Variants in KCNMA1 observed in about 807,000 individuals in gnomAD.
KCNMA1 encodes Calcium-activated potassium channel subunit alpha-1.
A neutral mutation model predicts 140.0 loss-of-function variants in KCNMA1; 29 were observed. The ratio of observed to expected loss-of-function variants is 0.21; its 90% CI spans 0.15 to 0.28. KCNMA1 has a LOEUF of 0.28. Among genes scored for constraint, KCNMA1 ranks in the 10% least tolerant of loss-of-function variants. KCNMA1 has a pLI of 1.00. For synonymous variants in KCNMA1, 612 were observed against 611.9 expected (o/e 1.00, Z 0.00); for missense variants, 880 against 1,602.2 (o/e 0.55, Z 7.70).
chr10:77,185,170 C>A (rs1398748266), intron 3 of KCNMA1, among the ~76,000 whole-genome samples: 1 of 151,918 alleles, frequency 6.6e-6, no homozygotes, highest in African/African-American at 2.4e-5. Context: ...TTTTTATCAT[C>A]ATTCAGCAGT....
At chr10:77,441,421 T>C (rs1408800667) in intron 1 of KCNMA1, among the ~76,000 whole-genome samples, 1 of 152,070 alleles carries the variant, frequency 6.6e-6, no homozygotes, top group African/African-American at 2.4e-5. Flanking sequence ...AAGGTCATGA[T>C]ACTCCTCAGA....
intron 1 of KCNMA1, chr10:77,634,014 T>C: frequency 6.0e-6 from 2 of 331,668 alleles, no homozygotes; most frequent in South Asian, 2.4e-4. Flanking sequence ...CCCTCTCTCC[T>C]ATATCGAATC....
intron 25 of KCNMA1, chr10:76,902,523 G>A (rs1267304877): frequency 6.6e-6 from 1 of 152,198 alleles, no homozygotes; most frequent in Non-Finnish European, 1.5e-5. Flanking sequence ...GTATAAGACA[G>A]CTGAGTTAGG....
intron 13 of KCNMA1, among the ~76,000 whole-genome samples, chr10:77,074,680 G>A (rs1167675747): frequency 6.6e-6 from 1 of 152,206 alleles, no homozygotes; most frequent in Non-Finnish European, 1.5e-5. Flanking sequence ...TCCTAAGGAT[G>A]TAATTTGTCT....
chr10:76,947,828 C>A (rs1406861060), intron 22 of KCNMA1, among the ~76,000 whole-genome samples: 1 of 152,180 alleles, frequency 6.6e-6, no homozygotes, highest in African/African-American at 2.4e-5. Flanking sequence ...ACATGTACTG[C>A]TTGTGGATAG....
At chr10:76,937,182 T>C (rs889032107) in intron 23 of KCNMA1, among the ~76,000 whole-genome samples, 19 of 152,360 alleles carry the variant, frequency 1.2e-4, no homozygotes, top group African/African-American at 4.3e-4. Flanking sequence ...CTTCCTTATG[T>C]TGGGCTAAAA....
chr10:77,448,627 A>C (rs2097572104), intron 1 of KCNMA1, among the ~76,000 whole-genome samples: 2 of 152,216 alleles, frequency 1.3e-5, no homozygotes, highest in African/African-American at 4.8e-5. Context: ...AGGTTCAGAA[A>C]GGGCCCCTTT....
intron 2 of KCNMA1, among the ~76,000 whole-genome samples, chr10:77,352,140 G>C (rs141732040): frequency 1.3e-5 from 2 of 152,226 alleles, no homozygotes; most frequent in Non-Finnish European, 1.5e-5. Context: ...TGCTGTCCGC[G>C]TGCAGGGTTC....
chr10:76,974,381 C>G, intron 19 of KCNMA1: 1 of 619,978 alleles, frequency 1.6e-6, no homozygotes, highest in South Asian at 2.3e-5. Flanking sequence ...CTGAAATCCA[C>G]AGTAGTGCAT....
At chr10:77,319,833 C>T (rs1030180064) in intron 2 of KCNMA1, among the ~76,000 whole-genome samples, 10 of 152,196 alleles carry the variant, frequency 6.6e-5, no homozygotes. Flanking sequence ...TGATGAACAG[C>T]CTCCACCCTC....
intron 20 of KCNMA1, among the ~76,000 whole-genome samples, chr10:76,960,646 T>TTAC (rs1565205821): frequency 7.1e-6 from 1 of 139,990 alleles, no homozygotes; most frequent in Non-Finnish European, 1.6e-5. Flanking sequence ...TTTTTTTTTT[T>TTAC]ACAAATTGAA....
At chr10:77,554,660 CTT>C (rs1441728205) in intron 1 of KCNMA1, among the ~76,000 whole-genome samples, 10 of 147,856 alleles carry the variant, frequency 6.8e-5, no homozygotes, top group African/African-American at 2.2e-4. Context: ...AGAGAAAACA[CTT>C]TTGAAATTTG....
At chr10:77,045,057 G>A (rs547926193) in intron 14 of KCNMA1, among the ~76,000 whole-genome samples, 61 of 152,238 alleles carry the variant, frequency 4.0e-4, no homozygotes, top group African/African-American at 1.4e-3. Flanking sequence ...CTGAAAGGGC[G>A]GTTCAAGCCT....
intron 1 of KCNMA1, among the ~76,000 whole-genome samples, chr10:77,599,934 A>G (rs568132562): frequency 6.6e-6 from 1 of 152,160 alleles, no homozygotes; most frequent in Admixed American, 6.5e-5. Context: ...CTTCACCTCC[A>G]TCCTGAACTC....
Position 76,886,491 on chromosome 10 carries a change from G to T in KCNMA1, c.*775C>A. The T allele has an allele frequency of 1.0e-6, 1 of 984,202 alleles. No individual in the cohort carries two copies. Among genetic ancestry groups the T allele is most frequent in the Non-Finnish European group, 1.2e-6 (1 of 828,848 alleles). 61.0% of individuals were successfully genotyped at this position (984,202 alleles called of 1,614,324 possible). ...AGGAGACAGAATAACAATTTAATAT[G>T]CAATCAAACCTCTTTTCACTTAAAC... On this transcript the variant is annotated 3_prime_UTR_variant, in exon 28 of 28. Transcript: ENST00000286628.
intron 1 of KCNMA1, among the ~76,000 whole-genome samples, chr10:77,603,498 G>C (rs558694822): frequency 2.1e-4 from 32 of 152,302 alleles, no homozygotes; most frequent in Non-Finnish European, 3.2e-4. Context: ...AACAGGGTCT[G>C]AGCATTTGTG....
chr10:77,338,078 G>A (rs2089789311), intron 2 of KCNMA1, among the ~76,000 whole-genome samples: 1 of 152,148 alleles, frequency 6.6e-6, no homozygotes, highest in Non-Finnish European at 1.5e-5. Context: ...ATCATGTCAG[G>A]AGGAGCTCCA....
In KCNMA1 at chr10:77,361,581, C is replaced by T. The variant is rs538775566; in HGVS notation, c.540+42281G>A. ...AGAGAGCTCGAAAATTAGAGGTGCA[C>T]GAAAGGAGTTTCCGCCTAATTGCTC... On this transcript the variant is annotated intron_variant, in intron 2 of 27. Coordinates refer to ENST00000286628, the MANE Select transcript of KCNMA1 (RefSeq NM_001161352.2). Among the ~76,000 whole-genome samples, 43 of 152,346 alleles carry T rather than the reference C, an allele frequency of 2.8e-4. 1 individual carries two copies. Among genetic ancestry groups the T allele is most frequent in the Non-Finnish European group, 5.4e-4 (37 of 68,026 alleles).
intron 23 of KCNMA1, among the ~76,000 whole-genome samples, chr10:76,920,018 G>GTATGTATA (rs1340604804): frequency 4.6e-5 from 2 of 43,584 alleles, no homozygotes; most frequent in South Asian, 8.1e-4. Flanking sequence ...GTGTGTGTGT[G>GTATGTATA]TGTATATATA....
Sources: allele counts gnomAD v4.1 joint callset (sites outside exome capture counted in the v4.1 genomes callset), GRCh38; gene constraint gnomAD v4.1.1; transcripts MANE v1.5; gene names NCBI Gene and HGNC (gene_info 2026-07-23, HGNC 2026-07-21).